FDX1: variants seen among roughly 807,000 people sequenced by gnomAD.
The protein encoded by FDX1 is ferredoxin 1, also known as adrenodoxin, mitochondrial.
In FDX1, 9 loss-of-function variants were observed where a neutral mutation model predicts 14.9. The ratio of observed to expected loss-of-function variants is 0.60; its 90% CI spans 0.36 to 1.05. FDX1 has a LOEUF of 1.05. FDX1 is among the 50% of genes least tolerant of loss of function. FDX1 has a pLI of 0.01. For missense variants in FDX1, 204 were observed against 237.2 expected (o/e 0.86, Z 0.92); for synonymous variants, 92 against 99.4 (o/e 0.93, Z 0.44).
intron 1 of FDX1, 68 bp downstream of exon 1, chr11:110,430,373 T>C: frequency 9.4e-7 from 1 of 1,062,952 alleles, no homozygotes. Flanking sequence ...CCTGGCTCTC[T>C]GGGCCGAGTC....
chr11:110,453,287 G>A (rs920158464), intron 2 of FDX1, among the ~76,000 whole-genome samples: 2 of 152,052 alleles, frequency 1.3e-5, no homozygotes, highest in East Asian at 3.9e-4. Flanking sequence ...GCCGTGAGCC[G>A]AGATCGCACC....
rs1591244499 is a variant in FDX1 at position 110,430,247 on chromosome 11, C to T, written c.127C>T (p.Pro43Ser). ...GSSGLLRNRG[P>S]GGSAEASRSL... ...CAGCGGCCTGCTGAGGAACCGGGGG[C>T]CGGGCGGGAGCGCGGAGGCGAGCCG... The change falls in exon 1 of 4, where the codon CCG (proline) becomes TCG (serine). Residue 43 changes from proline to serine, a missense_variant. Transcript: ENST00000260270. 1 of 1,205,850 alleles carries T rather than the reference C, an allele frequency of 8.3e-7. No individual in the cohort carries two copies. Among genetic ancestry groups the T allele is most frequent in the East Asian group, 3.4e-5 (1 of 29,260 alleles). 74.7% of individuals were successfully genotyped at this position (1,205,850 alleles called of 1,614,324 possible).
At chr11:110,447,273 CAAAAAAAAAAAAAAAAAAAA>C (rs541827807) in intron 2 of FDX1, among the ~76,000 whole-genome samples, 1 of 75,750 alleles carries the variant, frequency 1.3e-5, no homozygotes, top group African/African-American at 4.9e-5. Flanking sequence ...ACTAAAAATA[CAAAAAAAAAAAAAAAAAAAA>C]AAAAAAAAAA....
intron 2 of FDX1, among the ~76,000 whole-genome samples, chr11:110,446,363 G>A (rs545606547): frequency 2.9e-4 from 44 of 152,290 alleles, no homozygotes; most frequent in African/African-American, 7.7e-4. Context: ...ATGGCTGACC[G>A]AAGTACTTAG....
At chr11:110,456,300 A>G (rs755248393) in intron 2 of FDX1, among the ~76,000 whole-genome samples, 1 of 152,134 alleles carries the variant, frequency 6.6e-6, no homozygotes, top group African/African-American at 2.4e-5. Flanking sequence ...TTTTATATGT[A>G]TGCATGTCTC....
chr11:110,454,033 AT>A (rs1206665979), intron 2 of FDX1, among the ~76,000 whole-genome samples: 1 of 152,254 alleles, frequency 6.6e-6, no homozygotes, highest in Non-Finnish European at 1.5e-5. Flanking sequence ...ATAGTGAGGG[AT>A]CATGAATGTG....
At chr11:110,460,988 G>A (rs1020331521) in intron 3 of FDX1, among the ~76,000 whole-genome samples, 6 of 152,146 alleles carry the variant, frequency 3.9e-5, no homozygotes, top group African/African-American at 1.4e-4. Context: ...TGCTTCATGA[G>A]TACATTAATA....
chr11:110,460,099 C>T (rs144214160), intron 3 of FDX1, among the ~76,000 whole-genome samples: 766 of 152,322 alleles, frequency 5.0e-3, no homozygotes, highest in Non-Finnish European at 6.9e-3. Flanking sequence ...GCTGTCTTAA[C>T]GAATTTGTCC....
intron 2 of FDX1, among the ~76,000 whole-genome samples, chr11:110,445,113 GTTTATT>G (rs1257179537): frequency 1.3e-5 from 2 of 151,976 alleles, no homozygotes; most frequent in Non-Finnish European, 2.9e-5. Flanking sequence ...ATGAGGTATT[GTTTATT>G]TTTATAGGTT....
rs533066615 is a variant in FDX1, at chr11:110,439,374, A to AT, written c.310+3423dup. Among the ~76,000 whole-genome samples the AT allele has an allele frequency of 2.6e-3, 388 of 151,226 alleles. 3 individuals are homozygous for AT. The highest frequency in any genetic ancestry group is 8.1e-3 in the African/African-American group (335 of 41,136). ...AGGTGCATGCTACCATGCCCGGCTAATTTTTTTGTATTTTTAGTAGAGATG... is the reference window on the plus strand; with the variant it reads ...AGGTGCATGCTACCATGCCCGGCTAATTTTTTTTGTATTTTTAGTAGAGATG... On this transcript the variant is annotated intron_variant, in intron 2 of 3. Transcript: ENST00000260270.
intron 2 of FDX1, among the ~76,000 whole-genome samples, chr11:110,443,889 G>A (rs1290896623): frequency 1.3e-5 from 2 of 151,810 alleles, no homozygotes; most frequent in Admixed American, 1.3e-4. Context: ...GTCTGTTCAT[G>A]TCCTTTGCCT....
chr11:110,452,260 CT>C (rs1474856189), intron 2 of FDX1, among the ~76,000 whole-genome samples: 6 of 151,878 alleles, frequency 4.0e-5, no homozygotes, highest in Admixed American at 6.6e-5. Context: ...AAATTAAAAA[CT>C]TTTGTTCTTC....
At chr11:110,441,963 C>T (rs190061153) in intron 2 of FDX1, among the ~76,000 whole-genome samples, 1 of 152,284 alleles carries the variant, frequency 6.6e-6, no homozygotes, top group African/African-American at 2.4e-5. Flanking sequence ...TGCTCTGTGT[C>T]CCAGCTGTCC....
At chr11:110,445,576 G>C (rs1278916085) in intron 2 of FDX1, among the ~76,000 whole-genome samples, 1 of 152,096 alleles carries the variant, frequency 6.6e-6, no homozygotes, top group Non-Finnish European at 1.5e-5. Flanking sequence ...ATATGTACTG[G>C]GTCATGATGT....
rs200844726 is a variant in FDX1, at chr11:110,456,943, T to C, written c.336T>C (p.Cys112=). 1 of 1,613,106 alleles carries C rather than the reference T, an allele frequency of 6.2e-7. No individual in the cohort carries two copies. The highest frequency in any genetic ancestry group is 8.5e-7 in the Non-Finnish European group (1 of 1,179,492). The part of the protein sequence containing the change: ...GFGACEGTLA[C]STCHLIFEDH... ...GTGCATGTGAGGGAACCCTGGCTTG[T>C]TCAACCTGTCACCTCATCTTTGAAG... Residue 112 remains cysteine (C), a synonymous_variant, in exon 3 of 4, where the codon TGT becomes TGC. Coordinates refer to ENST00000260270, the MANE Select transcript of FDX1 (RefSeq NM_004109.5).
At chr11:110,447,100 C>G (rs192335044) in intron 2 of FDX1, among the ~76,000 whole-genome samples, 1 of 150,326 alleles carries the variant, frequency 6.7e-6, no homozygotes, top group Non-Finnish European at 1.5e-5. Context: ...TGCTTTAACC[C>G]AGGAGTCAGA....
At chr11:110,446,489 G>A (rs367914873) in intron 2 of FDX1, among the ~76,000 whole-genome samples, 8 of 152,166 alleles carry the variant, frequency 5.3e-5, no homozygotes, top group African/African-American at 1.9e-4. Context: ...TCTGAGCCCT[G>A]ATTTACAGAT....
chr11:110,454,293 C>T (rs1008134683), intron 2 of FDX1, among the ~76,000 whole-genome samples: 3 of 152,094 alleles, frequency 2.0e-5, no homozygotes, highest in African/African-American at 7.2e-5. Flanking sequence ...ACTGAAGCTT[C>T]CTAGGGAAGA....
In FDX1 at chr11:110,463,032, G is replaced by A. The variant is rs1946565495; in HGVS notation, c.*564G>A. ...AGTAAACTGCTTAACTTCAAAGATAGTTATTGACCTTATAAATAAATATTT... is the reference window on the plus strand; with the variant it reads ...AGTAAACTGCTTAACTTCAAAGATAATTATTGACCTTATAAATAAATATTT... On this transcript the variant is annotated 3_prime_UTR_variant, in exon 4 of 4. Transcript: ENST00000260270. 1 of 152,198 alleles carries A rather than the reference G, an allele frequency of 6.6e-6. No individual in the cohort carries two copies. The highest frequency in any genetic ancestry group is 1.5e-5 in the Non-Finnish European group (1 of 68,048). 9.4% of individuals were successfully genotyped at this position (152,198 alleles called of 1,614,324 possible).
Sources: allele counts gnomAD v4.1 joint callset (sites outside exome capture counted in the v4.1 genomes callset), GRCh38; gene constraint gnomAD v4.1.1; transcripts MANE v1.5; gene names NCBI Gene and HGNC (gene_info 2026-07-23, HGNC 2026-07-21).